The following PCGF5 variants were observed in gnomAD, a reference collection of about 807,000 sequenced individuals.
The protein encoded by PCGF5 is polycomb group ring finger 5, also known as polycomb group RING finger protein 5.
PCGF5 carries 9 observed loss-of-function variants against 44.3 expected under a neutral mutation model. The observed-to-expected ratio is 0.20, with a 90% CI of 0.12 to 0.35. PCGF5 has a LOEUF of 0.35. Among genes scored for constraint, PCGF5 ranks in the 10% least tolerant of loss-of-function variants. PCGF5 has a pLI of 1.00. For synonymous variants in PCGF5, 95 were observed against 102.5 expected (o/e 0.93, Z 0.44); for missense variants, 146 against 305.3 (o/e 0.48, Z 3.89).
In PCGF5 at chr10:91,194,329, C is replaced by T. The variant is rs80275462; in HGVS notation, c.-183-28360C>T. Among the ~76,000 whole-genome samples, 1,474 of 152,180 alleles carry T rather than the reference C, an allele frequency of 9.7e-3. 44 individuals are homozygous for T. The highest frequency in any genetic ancestry group is 0.085 in the East Asian group (438 of 5,178). On this transcript the variant is annotated intron_variant, in intron 1 of 9. Coordinates refer to the PCGF5 transcript ENST00000614189. ...AGTCCTTAGAAGTAGAGTATCTTTC[C>T]CATGGTGGTCAGAGGCTGAGGTGAC... is the stretch of plus-strand genomic sequence containing the variant.
At chr10:91,246,640 A>G (rs1845465464) in intron 3 of PCGF5, among the ~76,000 whole-genome samples, 2 of 152,118 alleles carry the variant, frequency 1.3e-5, no homozygotes, top group African/African-American at 4.8e-5. Flanking sequence ...AATTGTTGGG[A>G]GAATAGGTGG....
At chr10:91,185,015 G>T (rs1843893183) in intron 1 of PCGF5, among the ~76,000 whole-genome samples, 1 of 152,206 alleles carries the variant, frequency 6.6e-6, no homozygotes, top group African/African-American at 2.4e-5. Context: ...GCTTACAGAA[G>T]CAGTTTGGCC....
rs1846430098 is a variant in PCGF5, at chr10:91,280,584, C to T, written c.*2268C>T. 6.6e-6 allele frequency: 1 copy of T among 152,428 alleles called. No homozygotes were observed. Among genetic ancestry groups the T allele is most frequent in the South Asian group, 2.1e-4 (1 of 4,832 alleles). The allele number at this position is 152,428 out of a possible 1,614,324, so 9.4% of individuals were successfully genotyped here. A position where few individuals can be genotyped will look rare whatever the true frequency, so the allele number is the denominator to read the frequency against. On this transcript the variant is annotated 3_prime_UTR_variant, in exon 10 of 10. Transcript: ENST00000336126. Reference sequence around the variant, plus strand: ...GAAAAGCTTACATAAAGAAAGGCATCAGTTGTCGTTTGGAGAAAGGTACAC... The same window carrying T: ...GAAAAGCTTACATAAAGAAAGGCATTAGTTGTCGTTTGGAGAAAGGTACAC...
Position 91,248,496 on chromosome 10 carries a change from C to G in PCGF5, c.210-9C>G, listed in dbSNP as rs769730591. 3.7e-6 allele frequency: 6 copies of G among 1,609,578 alleles called. No individual in the cohort carries two copies. In the African/African-American group the frequency reaches 5.4e-5, roughly 14 times the overall value. On this transcript the variant is annotated splice_polypyrimidine_tract_variant and intron_variant, in intron 3 of 9. Coordinates refer to ENST00000336126, the MANE Select transcript of PCGF5 (RefSeq NM_032373.5). The stretch of plus-strand genomic sequence containing the variant: ...ATTGTTAGTATTTTCTTTCTCCCCC[C>G]TTTCGAAGGTTGGACAATACATTAG...
chr10:91,277,518 C>G (rs1380493241), intron 9 of PCGF5, among the ~76,000 whole-genome samples: 1 of 152,104 alleles, frequency 6.6e-6, no homozygotes, highest in Non-Finnish European at 1.5e-5. Flanking sequence ...ATGCCATATG[C>G]CTTTATCCCA....
chr10:91,250,601 A>G (rs1229997824), intron 5 of PCGF5, among the ~76,000 whole-genome samples: 4 of 148,884 alleles, frequency 2.7e-5, no homozygotes, highest in African/African-American at 9.9e-5. Context: ...CAGGCCTTGT[A>G]TGATGTGTAT....
intron 1 of PCGF5, among the ~76,000 whole-genome samples, chr10:91,202,782 C>T (rs910199391): frequency 2.6e-5 from 4 of 152,038 alleles, no homozygotes; most frequent in African/African-American, 9.7e-5. Context: ...AAAGATTGGC[C>T]ATTTATGCTA....
At chr10:91,158,264 T>C (rs76292651), upstream of PCGF5, among the ~76,000 whole-genome samples, 3,182 of 152,290 alleles carry the variant, frequency 0.021, 108 homozygotes, top group East Asian at 0.088. Flanking sequence ...CTGATCTTCT[T>C]AAAATACTGC....
chr10:91,164,077 C>T (rs781289701), intron 1 of PCGF5, among the ~76,000 whole-genome samples: 17 of 152,360 alleles, frequency 1.1e-4, no homozygotes, highest in Non-Finnish European at 2.1e-4. Context: ...TGAATCATCG[C>T]CCCGCGGACC....
chr10:91,211,754 G>T (rs1402381979), intron 1 of PCGF5, among the ~76,000 whole-genome samples: 1 of 152,230 alleles, frequency 6.6e-6, no homozygotes, highest in Non-Finnish European at 1.5e-5. Flanking sequence ...AGAAGCTAGA[G>T]GTTGGCATTC....
At chr10:91,214,710 A>C (rs779334051) in intron 1 of PCGF5, among the ~76,000 whole-genome samples, 3 of 152,232 alleles carry the variant, frequency 2.0e-5, no homozygotes, top group Non-Finnish European at 4.4e-5. Flanking sequence ...CAAAAGGCTA[A>C]AGAACTGCAG....
intron 7 of PCGF5, among the ~76,000 whole-genome samples, chr10:91,261,691 C>T (rs1845914688): frequency 6.6e-6 from 1 of 152,152 alleles, no homozygotes. Flanking sequence ...ACATTAAGTA[C>T]TCCCAAAATA....
rs1291214883 is a variant in PCGF5, at chr10:91,282,171, T to TGTG, written c.*3858_*3860dup. 1 of 152,180 alleles carries TGTG rather than the reference T, an allele frequency of 6.6e-6. No individual in the cohort carries two copies. The highest frequency in any genetic ancestry group is 1.5e-5 in the Non-Finnish European group (1 of 68,046). The allele number at this position is 152,180 out of a possible 1,614,324, so 9.4% of individuals were successfully genotyped here. A position where few individuals can be genotyped will look rare whatever the true frequency, so the allele number is the denominator to read the frequency against. ...ATATTCAAAATATTTCATAAGGACC[T>TGTG]GTGGTTTTTTTCCCCTTAAAAAGCA... On this transcript the variant is annotated 3_prime_UTR_variant, in exon 10 of 10. Coordinates refer to ENST00000336126, the MANE Select transcript of PCGF5 (RefSeq NM_032373.5).
chr10:91,192,386 C>G (rs1473033656), intron 1 of PCGF5, among the ~76,000 whole-genome samples: 1 of 152,150 alleles, frequency 6.6e-6, no homozygotes, highest in East Asian at 1.9e-4. Flanking sequence ...TGTGAGTCTT[C>G]ATTAATAAGA....
At chr10:91,235,981 G>T (rs1001214870) in intron 2 of PCGF5, among the ~76,000 whole-genome samples, 3 of 152,224 alleles carry the variant, frequency 2.0e-5, no homozygotes, top group Non-Finnish European at 2.9e-5. Flanking sequence ...AGGAGGCTGA[G>T]GCAGGAGGAT....
chr10:91,197,240 G>A (rs1231224483), intron 1 of PCGF5, among the ~76,000 whole-genome samples: 1 of 152,204 alleles, frequency 6.6e-6, no homozygotes, highest in Non-Finnish European at 1.5e-5. Context: ...GAGGCTCGAA[G>A]TATGGGGAAA....
chr10:91,203,158 G>T (rs1844284505), intron 1 of PCGF5, among the ~76,000 whole-genome samples: 1 of 152,182 alleles, frequency 6.6e-6, no homozygotes. Context: ...TCTAGAGCAT[G>T]CCACTATCAA....
In PCGF5 at chr10:91,173,578, C is replaced by CT. The variant is rs59254639; in HGVS notation, c.-184+10514dup. Among the ~76,000 whole-genome samples, 64 of 115,632 alleles carry CT rather than the reference C, an allele frequency of 5.5e-4. 1 individual carries two copies. Among genetic ancestry groups the CT allele is most frequent in the South Asian group, 1.4e-3 (5 of 3,580 alleles). The allele number at this position is 115,632 out of a possible 152,430, so 75.9% of individuals were successfully genotyped here. On this transcript the variant is annotated intron_variant, in intron 1 of 9. Transcript: ENST00000614189. ...TTATTCTTCTGCTAGAGGGAGTTGG[C>CT]TTTTTTTTTTTTTTTTTCCCACAGA... is the stretch of plus-strand genomic sequence containing the variant.
At chr10:91,189,925 C>G (rs1470799597) in intron 1 of PCGF5, among the ~76,000 whole-genome samples, 1 of 152,170 alleles carries the variant, frequency 6.6e-6, no homozygotes, top group African/African-American at 2.4e-5. Context: ...ACTGCTGAAA[C>G]AATTTCAAAT....
Sources: gnomAD v4.1 joint callset for allele counts (sites outside exome capture counted in the v4.1 genomes callset) on GRCh38, gnomAD v4.1.1 for gene constraint, MANE v1.5 for transcripts, NCBI Gene and HGNC (gene_info 2026-07-23, HGNC 2026-07-21) for gene names.